TMEM127: variants seen among roughly 807,000 people sequenced by gnomAD.
TMEM127 encodes transmembrane protein 127.
In TMEM127, 21 loss-of-function variants were observed where a neutral mutation model predicts 20.1. The ratio of observed to expected loss-of-function variants is 1.04; its 90% CI spans 0.74 to 1.50. The LOEUF (loss-of-function observed/expected upper bound fraction) is 1.50. Among genes scored for constraint, TMEM127 ranks in the 40% most tolerant of loss-of-function variants. TMEM127 has a pLI of 0.00. For missense variants in TMEM127, 303 were observed against 317.4 expected (o/e 0.95, Z 0.34); for synonymous variants, 150 against 144.7 (o/e 1.04, Z -0.26).
chr2:96,254,036 C>T lies in TMEM127; in HGVS notation c.489G>A (p.Lys163=), dbSNP rs757792507. The change falls in exon 4 of 4, where the codon AAG becomes AAA. Residue 163 remains lysine, a synonymous_variant. Coordinates refer to ENST00000258439, the MANE Select transcript of TMEM127 (RefSeq NM_017849.4). The part of the protein sequence containing the change: ...LILAQQQQHK[K]YHGSQVYVTF... ...TGACATAGACCTGGGATCCATGGTA[C>T]TTCTTATGCTGCTGCTGCTGGGCCA... The T allele has an allele frequency of 4.3e-6, 7 of 1,614,064 alleles. No individual in the cohort carries two copies. In the African/African-American group the frequency reaches 8.0e-5, roughly 18 times the overall value.
chr2:96,259,674 G>C (rs1314414005), intron 2 of TMEM127, among the ~76,000 whole-genome samples: 1 of 152,250 alleles, frequency 6.6e-6, no homozygotes, highest in Admixed American at 6.5e-5. Flanking sequence ...GGAAAGGCTT[G>C]GGACCTGGCG....
chr2:96,256,703 A>G (rs990817117), intron 2 of TMEM127, among the ~76,000 whole-genome samples: 9 of 152,316 alleles, frequency 5.9e-5, no homozygotes, highest in African/African-American at 1.9e-4. Flanking sequence ...GTGCAGCTAC[A>G]AGAAAGTATT....
Position 96,265,513 on chromosome 2 carries a change from C to T in TMEM127, c.-131-1G>A. 8.4e-7 allele frequency: 1 copy of T among 1,195,908 alleles called. No individual in the cohort carries two copies. Among genetic ancestry groups the T allele is most frequent in the Non-Finnish European group, 1.1e-6 (1 of 949,026 alleles). 74.1% of individuals were successfully genotyped at this position (1,195,908 alleles called of 1,614,324 possible). On this transcript the variant is annotated splice_acceptor_variant, in intron 1 of 3. Transcript: ENST00000258439. LOFTEE classifies it low-confidence loss of function (5UTR_SPLICE). ...CGCTGCAGGTGAAGCCGGGACTGGG[C>T]TGTCAGGGTTGACACCAGAGGATAG...
chr2:96,263,559 C>T (rs1475506961), intron 2 of TMEM127, among the ~76,000 whole-genome samples: 1 of 152,080 alleles, frequency 6.6e-6, no homozygotes, highest in Non-Finnish European at 1.5e-5. Context: ...AACATGCCTT[C>T]GACAAGGATG....
At chr2:96,263,199 C>T (rs554305357) in intron 2 of TMEM127, among the ~76,000 whole-genome samples, 2 of 151,924 alleles carry the variant, frequency 1.3e-5, no homozygotes, top group South Asian at 2.1e-4. Flanking sequence ...GGACTACAGG[C>T]GTGTGCCACC....
At chr2:96,257,686 G>C (rs1319890106) in intron 2 of TMEM127, among the ~76,000 whole-genome samples, 1 of 152,186 alleles carries the variant, frequency 6.6e-6, no homozygotes, top group Non-Finnish European at 1.5e-5. Flanking sequence ...GGCCGAGGTG[G>C]GTGGATCGCC....
At chr2:96,262,054 A>G (rs908137831) in intron 2 of TMEM127, among the ~76,000 whole-genome samples, 3 of 152,132 alleles carry the variant, frequency 2.0e-5, no homozygotes, top group Admixed American at 6.5e-5. Context: ...TGAGGTCAGG[A>G]GTTTGAGATC....
chr2:96,251,866 G>C lies in TMEM127; in HGVS notation c.*1942C>G, dbSNP rs1013703820. The C allele has an allele frequency of 1.7e-5, 4 of 233,264 alleles. No individual in the cohort carries two copies. Among genetic ancestry groups the C allele is most frequent in the Non-Finnish European group, 2.5e-5 (3 of 117,846 alleles). 14.4% of individuals were successfully genotyped at this position (233,264 alleles called of 1,614,324 possible). A position where few individuals can be genotyped will look rare whatever the true frequency, so the allele number is the denominator to read the frequency against. ...CAGGGTCATTTACAGGTCCTCAGGA[G>C]ATGACCAGTCCCTTTGGCATGCAGG... On this transcript the variant is annotated 3_prime_UTR_variant, in exon 4 of 4. Coordinates refer to ENST00000258439, the MANE Select transcript of TMEM127 (RefSeq NM_017849.4).
intron 2 of TMEM127, chr2:96,260,560 G>A (rs995359444): frequency 6.6e-6 from 1 of 152,180 alleles, no homozygotes; most frequent in African/African-American, 2.4e-5. Context: ...CTAGTCATCA[G>A]GGAAGTAGGC....
At chr2:96,261,334 G>A (rs1487947081) in intron 2 of TMEM127, among the ~76,000 whole-genome samples, 1 of 151,826 alleles carries the variant, frequency 6.6e-6, no homozygotes, top group Admixed American at 6.6e-5. Flanking sequence ...GGAGTGCAGA[G>A]GCACGACGAT....
At position 96,265,247 on chromosome 2, in the gene TMEM127, G is replaced by A. The variant is rs753780905; in HGVS notation, c.135C>T (p.Cys45=). Residue 45 remains cysteine, a synonymous_variant, in exon 2 of 4, where the codon TGC becomes TGT. Transcript: ENST00000258439. ...ACCAGGCGGGCTCGGCGAGGGCAGT[G>A]CACAGCGCCGTGATAGACAGGGCGC... ...LPGALSITAL[C]TALAEPAWLH... 1.3e-6 allele frequency: 2 copies of A among 1,594,344 alleles called. No individual in the cohort carries two copies. The highest frequency in any genetic ancestry group is 1.7e-5 in the Admixed American group (1 of 58,302).
chr2:96,257,314 T>C (rs1684227630), intron 2 of TMEM127, among the ~76,000 whole-genome samples: 1 of 151,430 alleles, frequency 6.6e-6, no homozygotes, highest in South Asian at 2.1e-4. Flanking sequence ...ATACAAAAAT[T>C]AGCCGGCCGT....
In TMEM127 at chr2:96,255,012, C is replaced by G. The variant is rs760161880; in HGVS notation, c.245-15G>C. On this transcript the variant is annotated splice_polypyrimidine_tract_variant and intron_variant, in intron 2 of 3. Coordinates refer to ENST00000258439, the MANE Select transcript of TMEM127 (RefSeq NM_017849.4). ...CATGCAGAAATCTGTAGAGGGAGAA[C>G]CAAATTTTCACGGCCCCAAGTAACA... 4 of 1,614,028 alleles carry G rather than the reference C, an allele frequency of 2.5e-6. No homozygotes were observed. Among genetic ancestry groups the G allele is most frequent in the Non-Finnish European group, 3.4e-6 (4 of 1,179,970 alleles).
At chr2:96,257,318 C>T (rs1684227741) in intron 2 of TMEM127, among the ~76,000 whole-genome samples, 1 of 151,816 alleles carries the variant, frequency 6.6e-6, no homozygotes, top group South Asian at 2.1e-4. Context: ...AAAAATTAGC[C>T]GGCCGTGGTG....
chr2:96,262,851 G>A (rs914778802), intron 2 of TMEM127, among the ~76,000 whole-genome samples: 22 of 151,958 alleles, frequency 1.4e-4, no homozygotes, highest in African/African-American at 4.6e-4. Flanking sequence ...GCTAATTTTT[G>A]TATTTTTAGT....
In TMEM127 at chr2:96,265,113, A is replaced by C. The variant is rs1483457551; in HGVS notation, c.244+25T>G. ...ACATTCTGTCCCCCACCGAGGCTTTAAGGGCCAGCGCGCAGCACCCTCACC... is the reference window on the plus strand; with the variant it reads ...ACATTCTGTCCCCCACCGAGGCTTTCAGGGCCAGCGCGCAGCACCCTCACC... On this transcript the variant is annotated intron_variant, in intron 2 of 3. Transcript: ENST00000258439. The C allele has an allele frequency of 1.9e-6, 3 of 1,611,600 alleles. No homozygotes were observed. The Admixed American group carries it at 5.0e-5, about 27-fold the overall frequency.
intron 2 of TMEM127, chr2:96,260,645 G>C (rs921140976): frequency 1.3e-5 from 2 of 152,224 alleles, no homozygotes; most frequent in Non-Finnish European, 2.9e-5. Context: ...TTGTTTTGAA[G>C]GTCCTGCCTC....
chr2:96,250,472 A>G lies in TMEM127; in HGVS notation c.*3336T>C, dbSNP rs1684063662. ...GACAAGTCCATCTCCTGAACTAAGG[A>G]CATAAAATCCTTGCAGACAGGGTCC... On this transcript the variant is annotated 3_prime_UTR_variant, in exon 4 of 4. Coordinates refer to ENST00000258439, the MANE Select transcript of TMEM127 (RefSeq NM_017849.4). The G allele has an allele frequency of 4.3e-6, 1 of 232,832 alleles. No homozygotes were observed. The highest frequency in any genetic ancestry group is 8.5e-6 in the Non-Finnish European group (1 of 117,848). The allele number at this position is 232,832 out of a possible 1,614,324, so 14.4% of individuals were successfully genotyped here. A position where few individuals can be genotyped will look rare whatever the true frequency, so the allele number is the denominator to read the frequency against.
chr2:96,256,379 C>T (rs975892359), intron 2 of TMEM127, among the ~76,000 whole-genome samples: 3 of 151,662 alleles, frequency 2.0e-5, no homozygotes, highest in African/African-American at 7.3e-5. Context: ...TGAGACAAGC[C>T]TGACCAACAT....
Sources: gnomAD v4.1 joint callset for allele counts (sites outside exome capture counted in the v4.1 genomes callset) on GRCh38, gnomAD v4.1.1 for gene constraint, MANE v1.5 for transcripts, NCBI Gene and HGNC (gene_info 2026-07-23, HGNC 2026-07-21) for gene names.